Variants in ZNF471 observed in about 807,000 individuals in gnomAD.
The protein encoded by ZNF471 is zinc finger protein 471.
ZNF471 carries 7 observed loss-of-function variants against 13.7 expected under a neutral mutation model. The ratio of observed to expected loss-of-function variants is 0.51; its 90% CI spans 0.29 to 0.96. The LOEUF is 0.96. Among genes scored for constraint, ZNF471 ranks in the 40% least tolerant of loss-of-function variants. ZNF471 has a pLI of 0.08. For missense variants in ZNF471, 663 were observed against 743.3 expected (o/e 0.89, Z 1.26); for synonymous variants, 218 against 235.6 (o/e 0.93, Z 0.68).
intron 1 of ZNF471, among the ~76,000 whole-genome samples, chr19:56,509,406 T>G (rs2043778751): frequency 6.6e-6 from 1 of 152,216 alleles, no homozygotes; most frequent in South Asian, 2.1e-4. Flanking sequence ...ATATCCTTTA[T>G]TACTACAAAC....
chr19:56,528,066 A>G lies in ZNF471; in HGVS notation c.*2118A>G, dbSNP rs2044068650. The G allele has an allele frequency of 6.6e-6, 1 of 152,200 alleles. No homozygotes were observed. The highest frequency in any genetic ancestry group is 1.5e-5 in the Non-Finnish European group (1 of 68,038). 9.4% of individuals were successfully genotyped at this position (152,200 alleles called of 1,614,324 possible). ...ATAGCTGATGAGCTAAGAAAAAAAA[A>G]AAGTCTGTGCATAGTTTTAGTGATA... On this transcript the variant is annotated 3_prime_UTR_variant, in exon 5 of 5. Transcript: ENST00000308031.
At chr19:56,521,855 A>G (rs8106788) in intron 4 of ZNF471, among the ~76,000 whole-genome samples, 66,949 of 151,746 alleles carry the variant, frequency 0.44, 14,987 homozygotes, top group Middle Eastern at 0.51. Context: ...GCTAAGGCAG[A>G]AGGATCACTT....
intron 4 of ZNF471, among the ~76,000 whole-genome samples, chr19:56,519,616 C>G (rs543317159): frequency 5.3e-5 from 8 of 152,292 alleles, no homozygotes; most frequent in Admixed American, 4.6e-4. Flanking sequence ...TATGCCCTTA[C>G]AATTATGGCT....
rs749930565 is a variant in ZNF471, at chr19:56,508,657, T to C, written c.-56+737T>C. ...AAGAACAGAGTGTGAGACTGTGGTA[T>C]GTTAATGTGTGAAAGGGAGACCAGT... On this transcript the variant is annotated intron_variant, in intron 1 of 4. Coordinates refer to ENST00000308031, the MANE Select transcript of ZNF471 (RefSeq NM_020813.4). The surrounding 1 kb of genome is among the most constrained non-coding windows in gnomAD (Gnocchi z 4.7). Among the ~76,000 whole-genome samples the C allele has an allele frequency of 4.6e-5, 7 of 151,508 alleles. No homozygotes were observed. Among genetic ancestry groups the C allele is most frequent in the Non-Finnish European group, 7.4e-5 (5 of 67,912 alleles).
intron 4 of ZNF471, among the ~76,000 whole-genome samples, chr19:56,523,177 A>G (rs547511311): frequency 6.6e-6 from 1 of 152,294 alleles, no homozygotes; most frequent in South Asian, 2.1e-4. Flanking sequence ...TATAAAATTC[A>G]TTTCTTCAAA....
At chr19:56,519,072 T>C (rs1045261209) in intron 4 of ZNF471, among the ~76,000 whole-genome samples, 1 of 152,150 alleles carries the variant, frequency 6.6e-6, no homozygotes, top group Non-Finnish European at 1.5e-5. Flanking sequence ...TTTTAGCTTT[T>C]TCATTATACT....
rs147153570 is a variant in ZNF471, at chr19:56,525,699, G to A, written c.1632G>A (p.Glu544=). 1.6e-3 allele frequency: 2,600 copies of A among 1,613,888 alleles called. 3 individuals are homozygous for A. The highest frequency in any genetic ancestry group is 1.8e-3 in the Non-Finnish European group (2,147 of 1,179,880). Residue 544 remains glutamate, a synonymous_variant, in exon 5 of 5, where the codon GAG becomes GAA. Coordinates refer to ENST00000308031, the MANE Select transcript of ZNF471 (RefSeq NM_020813.4). ...CTCATACAGGAGAGAAACCTTATGA[G>A]TGTAATGAATGCGGGAAAGCCTTCA... The part of the protein sequence containing the change: ...QKTHTGEKPY[E]CNECGKAFSQ...
rs2043992077 is a variant in ZNF471 at position 56,522,890 on chromosome 19, C to T, written c.257-1434C>T. On this transcript the variant is annotated intron_variant, in intron 4 of 4. Coordinates refer to ENST00000308031, the MANE Select transcript of ZNF471 (RefSeq NM_020813.4). The surrounding 1 kb of genome is among the most constrained non-coding windows in gnomAD (Gnocchi z 4.1). ...TAGCTGGGATTACAGGCAGGTGACACCATGCCCCGCTAATTTTGTGTTTTT... is the reference window on the plus strand; with the variant it reads ...TAGCTGGGATTACAGGCAGGTGACATCATGCCCCGCTAATTTTGTGTTTTT... 6.6e-6 allele frequency among the ~76,000 whole-genome samples: 1 copy of T among 152,054 alleles called. No individual in the cohort carries two copies. The highest frequency in any genetic ancestry group is 2.1e-4 in the South Asian group (1 of 4,828).
chr19:56,529,832 C>T lies in ZNF471; in HGVS notation c.*3884C>T, dbSNP rs1259405360. 6.6e-6 allele frequency: 1 copy of T among 152,070 alleles called. No individual in the cohort carries two copies. Among genetic ancestry groups the T allele is most frequent in the African/African-American group, 2.4e-5 (1 of 41,398 alleles). 9.4% of individuals were successfully genotyped at this position (152,070 alleles called of 1,614,324 possible). ...TCGCAGGTGTGAGAAACCGTATTTT[C>T]AAATATTGAGAGGGTAAATTAGAGG... is the stretch of plus-strand genomic sequence containing the variant. On this transcript the variant is annotated 3_prime_UTR_variant, in exon 5 of 5. Transcript: ENST00000308031.
Position 56,508,228 on chromosome 19 carries a change from T to G in ZNF471, c.-56+308T>G. ...TGAGGCTCCGTGAGAGGGTGTGGTT[T>G]CTGTGTGTGTGTGTGTGTGTGTGTG... On this transcript the variant is annotated intron_variant, in intron 1 of 4. Transcript: ENST00000308031. The surrounding 1 kb of genome is among the most constrained non-coding windows in gnomAD (Gnocchi z 4.7). 1.1e-6 allele frequency: 1 copy of G among 905,226 alleles called. No homozygotes were observed. Among genetic ancestry groups the G allele is most frequent in the Non-Finnish European group, 1.3e-6 (1 of 784,576 alleles). 56.1% of individuals were successfully genotyped at this position (905,226 alleles called of 1,614,324 possible). A position where few individuals can be genotyped will look rare whatever the true frequency, so the allele number is the denominator to read the frequency against.
Position 56,516,261 on chromosome 19 carries a change from A to G in ZNF471, c.34-14A>G. ...ACGAGCATTGGTTGGTTAAGAATAT[A>G]TTTGTCACTTCAGGACTTAGTGACA... On this transcript the variant is annotated splice_polypyrimidine_tract_variant and intron_variant, in intron 2 of 4. Coordinates refer to ENST00000308031, the MANE Select transcript of ZNF471 (RefSeq NM_020813.4). The surrounding 1 kb of genome is among the most constrained non-coding windows in gnomAD (Gnocchi z 4.4). The G allele has an allele frequency of 6.2e-7, 1 of 1,612,138 alleles. No individual in the cohort carries two copies. The highest frequency in any genetic ancestry group is 8.5e-7 in the Non-Finnish European group (1 of 1,178,864).
chr19:56,525,964 G>C lies in ZNF471; in HGVS notation c.*16G>C. The C allele has an allele frequency of 6.5e-7, 1 of 1,531,410 alleles. No individual in the cohort carries two copies. Among genetic ancestry groups the C allele is most frequent in the South Asian group, 1.3e-5 (1 of 75,718 alleles). 94.9% of individuals were successfully genotyped at this position (1,531,410 alleles called of 1,614,324 possible). ...AGAACCTTAAGAATGTAGTGCATGTGGCCAAGCCTTTAGTTATCACCAATC... is the reference window on the plus strand; with the variant it reads ...AGAACCTTAAGAATGTAGTGCATGTCGCCAAGCCTTTAGTTATCACCAATC... On this transcript the variant is annotated 3_prime_UTR_variant, in exon 5 of 5. Coordinates refer to ENST00000308031, the MANE Select transcript of ZNF471 (RefSeq NM_020813.4).
Position 56,516,489 on chromosome 19 carries a change from C to A in ZNF471, c.160+88C>A. The A allele has an allele frequency of 8.0e-7, 1 of 1,249,108 alleles. No individual in the cohort carries two copies. Among genetic ancestry groups the A allele is most frequent in the Non-Finnish European group, 1.1e-6 (1 of 910,898 alleles). The allele number at this position is 1,249,108 out of a possible 1,614,324, so 77.4% of individuals were successfully genotyped here. ...AAATTTGCTTTTATTATATGTAGGT[C>A]AGAATGGAATTTGGGAATGGAATCT... On this transcript the variant is annotated intron_variant, in intron 3 of 4. Coordinates refer to ENST00000308031, the MANE Select transcript of ZNF471 (RefSeq NM_020813.4). This position sits in a 1 kb window ranked among gnomAD's most constrained non-coding sequence, Gnocchi z 4.4.
In ZNF471 at chr19:56,519,772, CA is replaced by C. The variant is rs2043943871; in HGVS notation, c.256+1200del. Among the ~76,000 whole-genome samples the C allele has an allele frequency of 2.0e-5, 3 of 152,284 alleles. No homozygotes were observed. The South Asian group carries it at 6.2e-4, about 32-fold the overall frequency. On this transcript the variant is annotated intron_variant, in intron 4 of 4. Coordinates refer to ENST00000308031, the MANE Select transcript of ZNF471 (RefSeq NM_020813.4). The stretch of plus-strand genomic sequence containing the variant: ...TTGTTACCCACAGTCCACCACTGTC[CA>C]AAAATATTAAATGGAAAATTCCAGA...
chr19:56,510,124 TCA>T lies in ZNF471; in HGVS notation c.-55-1390_-55-1389del, dbSNP rs2043790873. On this transcript the variant is annotated intron_variant, in intron 1 of 4. Transcript: ENST00000308031. This position sits in a 1 kb window ranked among gnomAD's most constrained non-coding sequence, Gnocchi z 4.3. ...GACTGGTAGGTTGTGAGAGGGTGTA[TCA>T]CAGTATGAAAAAGATTGGAGTGAGA... 1 of 985,326 alleles carries T rather than the reference TCA, an allele frequency of 1.0e-6. No homozygotes were observed. Among genetic ancestry groups the T allele is most frequent in the Non-Finnish European group, 1.2e-6 (1 of 829,998 alleles). The allele number at this position is 985,326 out of a possible 1,614,324, so 61.0% of individuals were successfully genotyped here. A position where few individuals can be genotyped will look rare whatever the true frequency, so the allele number is the denominator to read the frequency against.
At chr19:56,513,195 A>G (rs1225427161) in intron 2 of ZNF471, among the ~76,000 whole-genome samples, 2 of 152,214 alleles carry the variant, frequency 1.3e-5, no homozygotes, top group Admixed American at 6.5e-5. Flanking sequence ...ATACTCCTGA[A>G]TAATGTTCCA....
chr19:56,521,417 T>C (rs1246261142), intron 4 of ZNF471, among the ~76,000 whole-genome samples: 2 of 152,072 alleles, frequency 1.3e-5, no homozygotes, highest in Non-Finnish European at 2.9e-5. Context: ...GGCAGGCAGA[T>C]CACGAGGTCA....
In ZNF471 at chr19:56,527,386, C is replaced by G. The variant is rs897220777; in HGVS notation, c.*1438C>G. On this transcript the variant is annotated 3_prime_UTR_variant, in exon 5 of 5. Transcript: ENST00000308031. ...ATGAGGAGAAACCAGTGCAAAAAGC[C>G]TGAAAATTCCAAAAACCAGAATGCC... 6.6e-6 allele frequency: 1 copy of G among 152,152 alleles called. No homozygotes were observed. Among genetic ancestry groups the G allele is most frequent in the African/African-American group, 2.4e-5 (1 of 41,440 alleles). The allele number at this position is 152,152 out of a possible 1,614,324, so 9.4% of individuals were successfully genotyped here.
Position 56,529,392 on chromosome 19 carries a change from G to A in ZNF471, c.*3444G>A, listed in dbSNP as rs539836427. ...AGAGGTTAAGATGGTAGAGGAGAAT[G>A]TAGAGTATTTCTGTGCCTTTAGGTT... On this transcript the variant is annotated 3_prime_UTR_variant, in exon 5 of 5. Transcript: ENST00000308031. 1 of 152,154 alleles carries A rather than the reference G, an allele frequency of 6.6e-6. No homozygotes were observed. The highest frequency in any genetic ancestry group is 2.4e-5 in the African/African-American group (1 of 41,482). 9.4% of individuals were successfully genotyped at this position (152,154 alleles called of 1,614,324 possible).
Sources: gnomAD v4.1 joint callset for allele counts (sites outside exome capture counted in the v4.1 genomes callset) on GRCh38, gnomAD v4.1.1 for gene constraint, Gnocchi (gnomAD v3.1) non-coding constraint, MANE v1.5 for transcripts, NCBI Gene and HGNC (gene_info 2026-07-23, HGNC 2026-07-21) for gene names.